The following RALY variants were observed in gnomAD, a reference collection of about 807,000 sequenced individuals.
The protein encoded by RALY is RALY heterogeneous nuclear ribonucleoprotein.
Under a neutral mutation model 30.7 loss-of-function variants are expected in RALY, and 15 were observed. The ratio of observed to expected loss-of-function variants is 0.49; its 90% confidence interval spans 0.33 to 0.75. The LOEUF is 0.75. RALY is among the 30% of genes least tolerant of loss of function. The pLI, the probability that RALY is intolerant of heterozygous loss-of-function variation, is 0.02. For synonymous variants in RALY, 177 were observed against 170.8 expected (o/e 1.04, Z -0.28); for missense variants, 339 against 414.3 (o/e 0.82, Z 1.58).
intron 1 of RALY, among the ~76,000 whole-genome samples, chr20:34,001,721 GT>G (rs1011612801): frequency 6.6e-6 from 1 of 152,174 alleles, no homozygotes; most frequent in Non-Finnish European, 1.5e-5. Flanking sequence ...CTAGATTTGG[GT>G]TTTTTTGGTA....
In RALY at chr20:34,077,267, C is replaced by T. The variant is rs150640014; in HGVS notation, c.876+22C>T. Reference sequence around the variant, plus strand: ...GCTGGTGAGGGCCTGGCCAGGGGCACGACTGGGACTCGACTGTGCTCCTAC... The same window carrying T: ...GCTGGTGAGGGCCTGGCCAGGGGCATGACTGGGACTCGACTGTGCTCCTAC... On this transcript the variant is annotated intron_variant, in intron 8 of 9. Transcript: ENST00000246194. 1,009 of 1,612,898 alleles carry T rather than the reference C, an allele frequency of 6.3e-4. 2 individuals are homozygous for T. The East Asian group carries it at 0.013, about 21-fold the overall frequency.
rs902303648 is a variant in RALY at position 34,069,198 on chromosome 20, A to G, written c.-9-2868A>G. Among the ~76,000 whole-genome samples the G allele has an allele frequency of 5.3e-5, 8 of 152,152 alleles. No homozygotes were observed. The East Asian group carries it at 1.5e-3, about 29-fold the overall frequency. On this transcript the variant is annotated intron_variant, in intron 2 of 9. Transcript: ENST00000246194. ...CCCTCATCTAGAATGGGGTTCGCAGATGGCAGTATTGGAATAAAGAGGTGC... is the reference window on the plus strand; with the variant it reads ...CCCTCATCTAGAATGGGGTTCGCAGGTGGCAGTATTGGAATAAAGAGGTGC...
At position 34,082,801 on chromosome 20, in the gene RALY, A is replaced by G. The variant is rs1186796658; in HGVS notation, c.*2896A>G. ...AAAAACATCCATTCCGCTGCGCAAC[A>G]GTTGTCATTTTTCTAACATCTGAAA... On this transcript the variant is annotated 3_prime_UTR_variant, in exon 10 of 10. Coordinates refer to ENST00000246194, the MANE Select transcript of RALY (RefSeq NM_016732.3). The G allele has an allele frequency of 6.6e-6, 1 of 152,236 alleles. No individual in the cohort carries two copies. The highest frequency in any genetic ancestry group is 1.5e-5 in the Non-Finnish European group (1 of 68,056). 9.4% of individuals were successfully genotyped at this position (152,236 alleles called of 1,614,324 possible). A position where few individuals can be genotyped will look rare whatever the true frequency, so the allele number is the denominator to read the frequency against.
At chr20:34,011,755 C>CCT (rs1285655561) in intron 1 of RALY, among the ~76,000 whole-genome samples, 1 of 152,164 alleles carries the variant, frequency 6.6e-6, no homozygotes, top group Non-Finnish European at 1.5e-5. Context: ...CCAGAGCTTT[C>CCT]TTGTAGGACC....
intron 2 of RALY, among the ~76,000 whole-genome samples, chr20:34,051,648 T>G (rs1166968408): frequency 1.3e-5 from 2 of 152,092 alleles, no homozygotes; most frequent in Non-Finnish European, 2.9e-5. Flanking sequence ...CAGGCTGGAG[T>G]GCAGTGGCGT....
intron 1 of RALY, among the ~76,000 whole-genome samples, chr20:33,996,067 C>G (rs944056710): frequency 2.0e-5 from 3 of 152,206 alleles, no homozygotes; most frequent in African/African-American, 7.2e-5. Flanking sequence ...GTGTTTATGG[C>G]TTATATACTC....
intron 1 of RALY, among the ~76,000 whole-genome samples, chr20:34,021,106 C>A (rs754910312): frequency 6.6e-6 from 1 of 152,096 alleles, no homozygotes; most frequent in Non-Finnish European, 1.5e-5. Flanking sequence ...GGATTACAGG[C>A]GTGCACCACC....
intron 1 of RALY, among the ~76,000 whole-genome samples, chr20:33,995,564 T>C (rs1915058242): frequency 6.6e-6 from 1 of 152,186 alleles, no homozygotes; most frequent in African/African-American, 2.4e-5. Flanking sequence ...TGTCTAAAAA[T>C]CAGGCAAGGG....
At position 34,079,950 on chromosome 20, in the gene RALY, C is replaced by T. The variant is rs1011771349; in HGVS notation, c.*45C>T. On this transcript the variant is annotated 3_prime_UTR_variant, in exon 10 of 10. Transcript: ENST00000246194. ...GGCCACCAGCAGGTGAAGGGCATCG[C>T]TGCCCCAGGCCTCAAGCCGGGCACC... 1 of 152,518 alleles carries T rather than the reference C, an allele frequency of 6.6e-6. No individual in the cohort carries two copies. The highest frequency in any genetic ancestry group is 1.5e-5 in the Non-Finnish European group (1 of 68,254). The allele number at this position is 152,518 out of a possible 1,614,324, so 9.4% of individuals were successfully genotyped here. A position where few individuals can be genotyped will look rare whatever the true frequency, so the allele number is the denominator to read the frequency against.
At chr20:34,020,060 C>CA (rs1006257006) in intron 1 of RALY, among the ~76,000 whole-genome samples, 14 of 150,122 alleles carry the variant, frequency 9.3e-5, no homozygotes, top group South Asian at 2.1e-4. Context: ...GACTCTGTCT[C>CA]AAAAAAAAAG....
chr20:34,022,526 A>G (rs1482637178), intron 1 of RALY, among the ~76,000 whole-genome samples: 1 of 152,130 alleles, frequency 6.6e-6, no homozygotes, highest in Non-Finnish European at 1.5e-5. Context: ...TAAGGCCCCT[A>G]CGAAACTAAA....
chr20:34,053,739 A>T (rs2033154691), intron 2 of RALY, among the ~76,000 whole-genome samples: 1 of 152,102 alleles, frequency 6.6e-6, no homozygotes, highest in South Asian at 2.1e-4. Context: ...ATTCTCAGGG[A>T]TTAACTTATG....
intron 2 of RALY, among the ~76,000 whole-genome samples, chr20:34,066,985 C>T (rs1276157392): frequency 2.0e-5 from 3 of 152,176 alleles, no homozygotes; most frequent in African/African-American, 7.2e-5. Context: ...AAGTCAGAAC[C>T]CAAGGCATCC....
chr20:34,059,746 T>C (rs1372332624), intron 2 of RALY, among the ~76,000 whole-genome samples: 1 of 152,204 alleles, frequency 6.6e-6, no homozygotes, highest in Non-Finnish European at 1.5e-5. Context: ...CAGGATGCAC[T>C]ACCACGGCAC....
At chr20:34,024,691 CTTTG>C (rs765556614) in intron 1 of RALY, among the ~76,000 whole-genome samples, 1 of 152,150 alleles carries the variant, frequency 6.6e-6, no homozygotes, top group Non-Finnish European at 1.5e-5. Context: ...TGACACCTGT[CTTTG>C]TTTGGGAGTA....
chr20:34,050,673 C>T (rs943209664), intron 2 of RALY, among the ~76,000 whole-genome samples: 4 of 152,200 alleles, frequency 2.6e-5, no homozygotes, highest in African/African-American at 9.7e-5. Flanking sequence ...GTCACCTCCC[C>T]CTCTTGCCAT....
chr20:34,075,323 G>A (rs1054732584), intron 5 of RALY, among the ~76,000 whole-genome samples: 4 of 152,026 alleles, frequency 2.6e-5, no homozygotes, highest in East Asian at 1.9e-4. Context: ...TCTATTACAC[G>A]TTCTAAAGTG....
At chr20:34,028,521 G>A (rs1482013796) in intron 1 of RALY, among the ~76,000 whole-genome samples, 6 of 151,318 alleles carry the variant, frequency 4.0e-5, no homozygotes, top group African/African-American at 4.9e-5. Flanking sequence ...TGGCTAACAC[G>A]GTGAAACCCC....
chr20:34,064,159 A>G (rs759120315), intron 2 of RALY, among the ~76,000 whole-genome samples: 50 of 152,242 alleles, frequency 3.3e-4, no homozygotes, highest in Non-Finnish European at 5.0e-4. Context: ...TAGGTCTTCA[A>G]TTCTAACTCA....
Sources: gnomAD v4.1 joint callset for allele counts (sites outside exome capture counted in the v4.1 genomes callset) on GRCh38, gnomAD v4.1.1 for gene constraint, MANE v1.5 for transcripts, NCBI Gene and HGNC (gene_info 2026-07-23, HGNC 2026-07-21) for gene names.